Variants in SOX5 observed in about 807,000 individuals in gnomAD.
SOX5 encodes transcription factor SOX-5.
A neutral mutation model predicts 92.0 loss-of-function variants in SOX5; 9 were observed. The ratio of observed to expected loss-of-function variants is 0.10; its 90% CI spans 0.06 to 0.17. SOX5 has a LOEUF of 0.17. SOX5 is among the 10% of genes least tolerant of loss of function. SOX5 has a pLI of 1.00. For synonymous variants in SOX5, 344 were observed against 336.3 expected (o/e 1.02, Z -0.25); for missense variants, 642 against 944.5 (o/e 0.68, Z 4.20).
intron 8 of SOX5, among the ~76,000 whole-genome samples, chr12:23,609,145 T>C (rs1466260862): frequency 6.6e-6 from 1 of 152,130 alleles, no homozygotes; most frequent in Non-Finnish European, 1.5e-5. Context: ...ATGAGCTAGT[T>C]GCTGCAAGGG....
intron 1 of SOX5, among the ~76,000 whole-genome samples, chr12:24,408,715 T>C (rs898180004): frequency 6.6e-6 from 1 of 152,254 alleles, no homozygotes; most frequent in Non-Finnish European, 1.5e-5. Flanking sequence ...TAGTGTTCTA[T>C]GGTATGGATT....
rs1277818168 is a variant in SOX5, at chr12:24,220,428, C to T, written c.-76-7011G>A. The stretch of plus-strand genomic sequence containing the variant: ...AGTATAAATATGCAACGTTACAGTG[C>T]TAATTCAGAATTACAGGAATTTTTT... On this transcript the variant is annotated intron_variant, in intron 3 of 4. Coordinates refer to the SOX5 transcript ENST00000446891. Among the ~76,000 whole-genome samples the T allele has an allele frequency of 2.7e-5, 4 of 149,892 alleles. No individual in the cohort carries two copies. In the East Asian group the frequency reaches 5.8e-4, roughly 22 times the overall value.
At chr12:23,623,354 A>G (rs1295264476) in intron 8 of SOX5, among the ~76,000 whole-genome samples, 4 of 152,146 alleles carry the variant, frequency 2.6e-5, no homozygotes, top group African/African-American at 9.7e-5. Context: ...TTGATATGCT[A>G]CTGTGTTAAG....
chr12:23,674,158 G>C (rs2085263434), intron 6 of SOX5, among the ~76,000 whole-genome samples: 1 of 151,874 alleles, frequency 6.6e-6, no homozygotes, highest in South Asian at 2.1e-4. Flanking sequence ...AAACTGATAA[G>C]AAAACAAATA....
intron 6 of SOX5, among the ~76,000 whole-genome samples, chr12:23,669,891 G>T (rs1030053750): frequency 2.6e-5 from 4 of 152,084 alleles, no homozygotes; most frequent in Non-Finnish European, 5.9e-5. Flanking sequence ...GGACACTCCA[G>T]TCCGAAGCTG....
At chr12:24,114,806 C>T (rs1947805431) in intron 4 of SOX5, among the ~76,000 whole-genome samples, 1 of 151,706 alleles carries the variant, frequency 6.6e-6, no homozygotes, top group Non-Finnish European at 1.5e-5. Flanking sequence ...CATAGTGGTG[C>T]ATGCCTATAG....
At position 24,505,848 on chromosome 12, in the gene SOX5, T is replaced by TGC. The variant is rs1566334085; in HGVS notation, c.-251+56480_-251+56481insGC. Among the ~76,000 whole-genome samples, 268 of 141,170 alleles carry TGC rather than the reference T, an allele frequency of 1.9e-3. 2 individuals are homozygous for TGC. The highest frequency in any genetic ancestry group is 7.1e-3 in the African/African-American group (262 of 37,092). 92.6% of individuals were successfully genotyped at this position (141,170 alleles called of 152,430 possible). A position where few individuals can be genotyped will look rare whatever the true frequency, so the allele number is the denominator to read the frequency against. ...CTTGGTATGTGTGTGTGTGTGTGTGTGTGTGCGTGTGTGTGTGTGTGTGTG... is the reference window on the plus strand; with the variant it reads ...CTTGGTATGTGTGTGTGTGTGTGTGTGCGTGTGCGTGTGTGTGTGTGTGTGTG... On this transcript the variant is annotated intron_variant, in intron 1 of 4. Transcript: ENST00000446891.
intron 8 of SOX5, among the ~76,000 whole-genome samples, chr12:23,616,879 A>G (rs1263612033): frequency 6.6e-6 from 1 of 152,102 alleles, no homozygotes; most frequent in Admixed American, 6.6e-5. Context: ...CAGAACTCTG[A>G]GAGGCCAAGG....
At chr12:24,092,072 T>C (rs538421896) in intron 4 of SOX5, among the ~76,000 whole-genome samples, 5 of 152,292 alleles carry the variant, frequency 3.3e-5, no homozygotes, top group Middle Eastern at 3.4e-3. Flanking sequence ...GTGAGCCAAA[T>C]TGAACTCCTT....
intron 4 of SOX5, among the ~76,000 whole-genome samples, chr12:24,070,947 A>T (rs939116803): frequency 1.3e-5 from 2 of 152,180 alleles, no homozygotes; most frequent in African/African-American, 4.8e-5. Context: ...TAATCACCAA[A>T]GGTTAGTTTT....
intron 3 of SOX5, among the ~76,000 whole-genome samples, chr12:24,221,687 G>A (rs1246433500): frequency 2.6e-5 from 4 of 152,220 alleles, no homozygotes; most frequent in Non-Finnish European, 5.9e-5. Context: ...GCAGCTTACA[G>A]TCTGGTGAGT....
At chr12:23,627,601 T>G (rs993423668) in intron 8 of SOX5, among the ~76,000 whole-genome samples, 2 of 152,242 alleles carry the variant, frequency 1.3e-5, no homozygotes, top group Admixed American at 6.5e-5. Flanking sequence ...CCATGTCATT[T>G]AATCCTCACA....
At chr12:24,511,681 G>A (rs536215924) in intron 1 of SOX5, among the ~76,000 whole-genome samples, 12 of 152,014 alleles carry the variant, frequency 7.9e-5, no homozygotes, top group South Asian at 2.1e-4. Flanking sequence ...TTTTGCGGCC[G>A]GGCGCAGTGG....
chr12:23,989,296 G>A (rs1256388231), intron 4 of SOX5, among the ~76,000 whole-genome samples: 2 of 152,016 alleles, frequency 1.3e-5, no homozygotes, highest in Non-Finnish European at 2.9e-5. Flanking sequence ...GGGGGCTGAG[G>A]TGGGAAGATT....
intron 1 of SOX5, among the ~76,000 whole-genome samples, chr12:23,908,682 C>A (rs2097318554): frequency 6.6e-6 from 1 of 151,508 alleles, no homozygotes; most frequent in Non-Finnish European, 1.5e-5. Context: ...AAAGAATATG[C>A]CATCCTAATT....
At chr12:24,071,790 G>A (rs1321625649) in intron 4 of SOX5, among the ~76,000 whole-genome samples, 1 of 152,074 alleles carries the variant, frequency 6.6e-6, no homozygotes, top group African/African-American at 2.4e-5. Context: ...ATAAATACGT[G>A]GCAAATCACA....
chr12:24,504,469 A>G (rs927211902), intron 1 of SOX5, among the ~76,000 whole-genome samples: 1 of 152,248 alleles, frequency 6.6e-6, no homozygotes, highest in African/African-American at 2.4e-5. Flanking sequence ...CATTTCCAAC[A>G]AAATACGCAA....
At chr12:23,894,780 G>GA (rs938408099) in intron 2 of SOX5, among the ~76,000 whole-genome samples, 10 of 150,096 alleles carry the variant, frequency 6.7e-5, no homozygotes, top group African/African-American at 1.5e-4. Flanking sequence ...TTTCCTGGAG[G>GA]AAAAAAAAAG....
intron 3 of SOX5, among the ~76,000 whole-genome samples, chr12:23,831,532 T>A (rs1174055508): frequency 6.6e-6 from 1 of 152,104 alleles, no homozygotes; most frequent in Admixed American, 6.6e-5. Flanking sequence ...TAGATGATCC[T>A]GAGGGTGAAG....
Sources: gnomAD v4.1 joint callset for allele counts (sites outside exome capture counted in the v4.1 genomes callset) on GRCh38, gnomAD v4.1.1 for gene constraint, MANE v1.5 for transcripts, NCBI Gene and HGNC (gene_info 2026-07-23, HGNC 2026-07-21) for gene names.